AGBL4: variants seen among roughly 807,000 people sequenced by gnomAD.
AGBL4 encodes the protein cytosolic carboxypeptidase 6.
A neutral mutation model predicts 66.4 loss-of-function variants in AGBL4; 58 were observed. That is an observed-to-expected ratio of 0.87 (90% CI 0.71 to 1.09). The LOEUF is 1.09. Among genes scored for constraint, AGBL4 ranks in the 50% least tolerant of loss-of-function variants. The pLI is 0.00. For synonymous variants in AGBL4, 234 were observed against 222.9 expected (o/e 1.05, Z -0.44); for missense variants, 579 against 631.0 (o/e 0.92, Z 0.88).
At chr1:48,572,557 T>C (rs1002682790) in intron 11 of AGBL4, among the ~76,000 whole-genome samples, 41 of 151,628 alleles carry the variant, frequency 2.7e-4, no homozygotes, top group African/African-American at 9.9e-4. Flanking sequence ...TGAGTGTGTG[T>C]GTGGGAGAGA....
intron 3 of AGBL4, among the ~76,000 whole-genome samples, chr1:49,327,035 AT>A (rs1316115039): frequency 2.6e-5 from 4 of 151,770 alleles, no homozygotes; most frequent in African/African-American, 9.7e-5. Flanking sequence ...GCATCTTAAA[AT>A]TTCTCTCTCT....
chr1:49,120,001 C>T (rs1260645547), intron 4 of AGBL4, among the ~76,000 whole-genome samples: 1 of 152,116 alleles, frequency 6.6e-6, no homozygotes, highest in African/African-American at 2.4e-5. Flanking sequence ...AGGATTGCAA[C>T]ACCTGCTTTT....
chr1:49,233,699 A>G (rs574293431), intron 4 of AGBL4, among the ~76,000 whole-genome samples: 3 of 152,222 alleles, frequency 2.0e-5, no homozygotes, highest in African/African-American at 4.8e-5. Flanking sequence ...TAGAATTAGG[A>G]AATTCTTTAT....
intron 3 of AGBL4, among the ~76,000 whole-genome samples, chr1:49,349,057 T>C (rs1645696465): frequency 1.3e-5 from 2 of 152,214 alleles, no homozygotes; most frequent in Middle Eastern, 3.2e-3. Context: ...TATATATTAC[T>C]CTAAAAATAA....
At chr1:49,111,409 G>T (rs2148021385) in intron 4 of AGBL4, among the ~76,000 whole-genome samples, 1 of 152,310 alleles carries the variant, frequency 6.6e-6, no homozygotes, top group Admixed American at 6.5e-5. Context: ...ACCGCACCTG[G>T]CCCAATTCCT....
chr1:49,765,748 A>C (rs1051363719), intron 2 of AGBL4, among the ~76,000 whole-genome samples: 2 of 152,164 alleles, frequency 1.3e-5, no homozygotes, highest in African/African-American at 4.8e-5. Context: ...TGAAAAATCA[A>C]TCAGAACAAT....
intron 5 of AGBL4, among the ~76,000 whole-genome samples, chr1:49,012,958 C>G (rs918316599): frequency 6.6e-6 from 1 of 152,186 alleles, no homozygotes; most frequent in African/African-American, 2.4e-5. Context: ...GAGAGTGGAT[C>G]TGTTATAAAA....
At chr1:49,756,921 G>T (rs556994239) in intron 2 of AGBL4, among the ~76,000 whole-genome samples, 1 of 152,042 alleles carries the variant, frequency 6.6e-6, no homozygotes, top group Admixed American at 6.6e-5. Context: ...AAACAAATAC[G>T]GTAAAGTGGG....
chr1:49,111,859 A>G (rs1645419135), intron 4 of AGBL4, among the ~76,000 whole-genome samples: 1 of 152,184 alleles, frequency 6.6e-6, no homozygotes, highest in Non-Finnish European at 1.5e-5. Flanking sequence ...AGGACCACAA[A>G]GACTATATTT....
At chr1:49,488,246 T>A (rs1647110054) in intron 3 of AGBL4, among the ~76,000 whole-genome samples, 1 of 151,694 alleles carries the variant, frequency 6.6e-6, no homozygotes, top group Non-Finnish European at 1.5e-5. Context: ...TCTATCCCTG[T>A]GATAACTAAT....
intron 2 of AGBL4, among the ~76,000 whole-genome samples, chr1:49,822,946 T>C (rs1027014143): frequency 5.3e-5 from 8 of 152,206 alleles, no homozygotes; most frequent in African/African-American, 1.7e-4. Context: ...ATATGTAATA[T>C]TTCCAGTTTA....
At chr1:49,323,314 GCT>G (rs1645163310) in intron 3 of AGBL4, among the ~76,000 whole-genome samples, 1 of 151,970 alleles carries the variant, frequency 6.6e-6, no homozygotes, top group Non-Finnish European at 1.5e-5. Flanking sequence ...GGAGTCTCTT[GCT>G]CTGCCGCCAG....
At chr1:49,659,501 A>C (rs992231171) in intron 3 of AGBL4, among the ~76,000 whole-genome samples, 1 of 152,172 alleles carries the variant, frequency 6.6e-6, no homozygotes, top group African/African-American at 2.4e-5. Flanking sequence ...GTTGCAGTCC[A>C]CTTTCAGACA....
chr1:49,277,221 C>G (rs1300844183), intron 3 of AGBL4, among the ~76,000 whole-genome samples: 2 of 152,060 alleles, frequency 1.3e-5, no homozygotes, highest in Non-Finnish European at 2.9e-5. Flanking sequence ...CATATTAAAT[C>G]TAGCTATTTT....
At chr1:49,249,586 T>C (rs932585248) in intron 3 of AGBL4, among the ~76,000 whole-genome samples, 2 of 152,082 alleles carry the variant, frequency 1.3e-5, no homozygotes, top group African/African-American at 4.8e-5. Context: ...TTGGTGAGGA[T>C]GTAGAAAAAA....
intron 1 of AGBL4, among the ~76,000 whole-genome samples, chr1:49,948,027 A>AATATATATTT (rs1655494256): frequency 1.5e-4 from 11 of 75,750 alleles, no homozygotes; most frequent in Non-Finnish European, 2.2e-4. Flanking sequence ...AATATATATA[A>AATATATATTT]ATATATATAC....
chr1:49,845,806 C>T (rs1238270802), intron 2 of AGBL4: 25 of 1,541,184 alleles, frequency 1.6e-5, no homozygotes, highest in African/African-American at 6.8e-5. Flanking sequence ...CCAGCAGGAG[C>T]GGATGCACAC....
chr1:49,155,776 A>C (rs1240440910), intron 4 of AGBL4, among the ~76,000 whole-genome samples: 1 of 152,170 alleles, frequency 6.6e-6, no homozygotes, highest in Non-Finnish European at 1.5e-5. Flanking sequence ...TGTTAACAAC[A>C]CCTATTCCTG....
At chr1:48,527,726 T>A in the AGBL4 span, among the ~76,000 whole-genome samples, 3 of 151,682 alleles carry the variant, frequency 2.0e-5, no homozygotes, top group East Asian at 5.8e-4. Flanking sequence ...AAGTCTTGAA[T>A]GATGAGAAGG....
Sources: allele counts gnomAD v4.1 joint callset (sites outside exome capture counted in the v4.1 genomes callset), GRCh38; gene constraint gnomAD v4.1.1; transcripts MANE v1.5; gene names NCBI Gene and HGNC (gene_info 2026-07-23, HGNC 2026-07-21).